NRG1: variants seen among roughly 807,000 people sequenced by gnomAD.
NRG1 encodes the protein pro-neuregulin-1, membrane-bound isoform.
NRG1 carries 18 observed loss-of-function variants against 63.8 expected under a neutral mutation model. The observed-to-expected ratio is 0.28, with a 90% confidence interval of 0.19 to 0.42. The LOEUF (loss-of-function observed/expected upper bound fraction) is 0.42. NRG1 is among the 10% of genes least tolerant of loss of function. The pLI is 1.00. For missense variants in NRG1, 762 were observed against 814.7 expected (o/e 0.94, Z 0.79); for synonymous variants, 302 against 301.3 (o/e 1.00, Z -0.02).
At chr8:32,740,190 CTTTTTT>C (rs35219061) in intron 6 of NRG1, among the ~76,000 whole-genome samples, 1 of 92,516 alleles carries the variant, frequency 1.1e-5, no homozygotes, top group African/African-American at 4.3e-5. Flanking sequence ...GACCCAACCT[CTTTTTT>C]TTTTTTTTTT....
chr8:31,770,454 G>A (rs1818496678), intron 1 of NRG1, among the ~76,000 whole-genome samples: 2 of 152,060 alleles, frequency 1.3e-5, no homozygotes, highest in Admixed American at 1.3e-4. Context: ...TTTTGTGGCT[G>A]CATAGTATTC....
intron 1 of NRG1, among the ~76,000 whole-genome samples, chr8:32,284,497 T>G (rs3963392): frequency 0.017 from 1,151 of 66,520 alleles, 6 homozygotes; most frequent in African/African-American, 0.053. Flanking sequence ...CTGCCTTCCT[T>G]CCTTCCTTCC....
chr8:32,117,039 G>A (rs1223155194), intron 1 of NRG1, among the ~76,000 whole-genome samples: 3 of 151,530 alleles, frequency 2.0e-5, no homozygotes, highest in Non-Finnish European at 4.4e-5. Context: ...CTACTCAGGA[G>A]GCTGAAGTGG....
intron 1 of NRG1, among the ~76,000 whole-genome samples, chr8:32,483,596 T>C (rs761491342): frequency 6.6e-6 from 1 of 152,208 alleles, no homozygotes; most frequent in Non-Finnish European, 1.5e-5. Context: ...AGAATTTCCT[T>C]CTCTCCATCT....
chr8:32,122,948 A>G (rs997908979), intron 1 of NRG1, among the ~76,000 whole-genome samples: 3 of 151,990 alleles, frequency 2.0e-5, no homozygotes, highest in Non-Finnish European at 2.9e-5. Flanking sequence ...TACAAAGGAC[A>G]TAAGGAAATG....
chr8:32,539,287 T>C (rs1156691673), intron 1 of NRG1, among the ~76,000 whole-genome samples: 2 of 152,154 alleles, frequency 1.3e-5, no homozygotes, highest in African/African-American at 4.8e-5. Flanking sequence ...AGATTAACTC[T>C]GGTAGCAGGA....
At chr8:32,607,098 G>A (rs910743833) in intron 3 of NRG1, among the ~76,000 whole-genome samples, 2 of 152,056 alleles carry the variant, frequency 1.3e-5, no homozygotes, top group African/African-American at 4.8e-5. Context: ...TTACCATTAG[G>A]AGTCCTGTTT....
At chr8:31,780,827 T>G (rs1169214261) in intron 1 of NRG1, among the ~76,000 whole-genome samples, 1 of 152,172 alleles carries the variant, frequency 6.6e-6, no homozygotes, top group East Asian at 1.9e-4. Context: ...GTGTTTTCTC[T>G]GCCACCACAG....
At chr8:32,193,204 G>A (rs756839378) in intron 1 of NRG1, among the ~76,000 whole-genome samples, 7 of 152,072 alleles carry the variant, frequency 4.6e-5, no homozygotes, top group Non-Finnish European at 7.4e-5. Flanking sequence ...TCCTTTATTT[G>A]TGGGTGTTAA....
chr8:32,771,716 AT>A (rs372993417), downstream of NRG1, among the ~76,000 whole-genome samples: 5,950 of 66,544 alleles, frequency 0.089, 276 homozygotes, highest in East Asian at 0.45. Context: ...TAAAAAAAAA[AT>A]ATATATATAT....
intron 1 of NRG1, among the ~76,000 whole-genome samples, chr8:32,246,447 A>C (rs1848595512): frequency 1.3e-5 from 2 of 152,080 alleles, no homozygotes; most frequent in Admixed American, 1.3e-4. Flanking sequence ...GTATGGTCTC[A>C]AGGTTGTGTA....
At chr8:32,339,283 T>A (rs916496773) in intron 1 of NRG1, among the ~76,000 whole-genome samples, 1 of 152,192 alleles carries the variant, frequency 6.6e-6, no homozygotes, top group Non-Finnish European at 1.5e-5. Flanking sequence ...CTAATTGTAA[T>A]GATAAAAACT....
intron 1 of NRG1, among the ~76,000 whole-genome samples, chr8:32,140,373 C>T (rs1351622623): frequency 6.6e-6 from 1 of 152,072 alleles, no homozygotes; most frequent in East Asian, 1.9e-4. Context: ...CCCTTTCAGT[C>T]AGGTAGATAG....
At chr8:32,579,617 A>G (rs985915779) in intron 1 of NRG1, among the ~76,000 whole-genome samples, 1 of 152,142 alleles carries the variant, frequency 6.6e-6, no homozygotes, top group Non-Finnish European at 1.5e-5. Flanking sequence ...ACTCTGGTTT[A>G]TCTATTTTTA....
At chr8:32,144,185 A>G (rs1836611720) in intron 1 of NRG1, among the ~76,000 whole-genome samples, 1 of 152,180 alleles carries the variant, frequency 6.6e-6, no homozygotes, top group African/African-American at 2.4e-5. Context: ...GCCGACCATG[A>G]TCTGCTGGAA....
chr8:31,878,417 A>G (rs546471354), intron 1 of NRG1, among the ~76,000 whole-genome samples: 1 of 152,310 alleles, frequency 6.6e-6, no homozygotes, highest in African/African-American at 2.4e-5. Context: ...TACGAGTGCA[A>G]TAAGGAGTTG....
At chr8:32,168,877 T>A (rs1007642476) in intron 1 of NRG1, among the ~76,000 whole-genome samples, 1 of 152,194 alleles carries the variant, frequency 6.6e-6, no homozygotes, top group Non-Finnish European at 1.5e-5. Flanking sequence ...TTACTGTCTG[T>A]CTCTTCACTC....
chr8:32,051,262 T>C (rs1193668516), intron 1 of NRG1, among the ~76,000 whole-genome samples: 1 of 152,178 alleles, frequency 6.6e-6, no homozygotes, highest in Non-Finnish European at 1.5e-5. Flanking sequence ...TAACAACCTC[T>C]GCTAGACTCA....
At chr8:32,491,064 T>G (rs1325016234) in intron 1 of NRG1, among the ~76,000 whole-genome samples, 1 of 152,224 alleles carries the variant, frequency 6.6e-6, no homozygotes. Context: ...AAGGTGTCAC[T>G]GCTTAATTAT....
Sources: gnomAD v4.1 joint callset for allele counts (sites outside exome capture counted in the v4.1 genomes callset) on GRCh38, gnomAD v4.1.1 for gene constraint, MANE v1.5 for transcripts, NCBI Gene and HGNC (gene_info 2026-07-23, HGNC 2026-07-21) for gene names.